The following DPP10 variants were observed in gnomAD, a reference collection of about 807,000 sequenced individuals.
DPP10 encodes the protein inactive dipeptidyl peptidase 10.
Under a neutral mutation model 120.9 loss-of-function variants are expected in DPP10, and 33 were observed. The observed-to-expected ratio is 0.27, with a 90% CI of 0.21 to 0.37. DPP10 has a LOEUF of 0.37. Among genes scored for constraint, DPP10 ranks in the 10% least tolerant of loss-of-function variants. The pLI is 1.00. For synonymous variants in DPP10, 337 were observed against 326.1 expected (o/e 1.03, Z -0.36); for missense variants, 816 against 942.8 (o/e 0.87, Z 1.76).
chr2:114,548,626 G>T (rs1293418720), intron 1 of DPP10, among the ~76,000 whole-genome samples: 1 of 152,198 alleles, frequency 6.6e-6, no homozygotes, highest in South Asian at 2.1e-4. Flanking sequence ...GAAGCAGTTG[G>T]TTGTCCCTAA....
chr2:114,993,545 TAATG>T (rs1700873861), intron 1 of DPP10, among the ~76,000 whole-genome samples: 2 of 144,916 alleles, frequency 1.4e-5, no homozygotes, highest in Middle Eastern at 3.6e-3. Flanking sequence ...TCAATGTAGA[TAATG>T]GATGGATTCT....
At chr2:115,116,504 T>C (rs1456416221) in intron 1 of DPP10, among the ~76,000 whole-genome samples, 1 of 152,218 alleles carries the variant, frequency 6.6e-6, no homozygotes, top group Non-Finnish European at 1.5e-5. Flanking sequence ...TCTTAATTTA[T>C]CAGATTCAAA....
At chr2:114,618,505 A>G (rs1693843179) in intron 1 of DPP10, among the ~76,000 whole-genome samples, 1 of 152,046 alleles carries the variant, frequency 6.6e-6, no homozygotes. Flanking sequence ...TTCACCCACC[A>G]CATTTCAGGA....
At chr2:114,680,963 T>G (rs921453520) in intron 1 of DPP10, among the ~76,000 whole-genome samples, 1 of 151,968 alleles carries the variant, frequency 6.6e-6, no homozygotes, top group Non-Finnish European at 1.5e-5. Flanking sequence ...CATTTAAGAT[T>G]CTCTTTTCAT....
At chr2:115,327,000 C>G (rs985627291) in intron 2 of DPP10, among the ~76,000 whole-genome samples, 1 of 152,104 alleles carries the variant, frequency 6.6e-6, no homozygotes, top group African/African-American at 2.4e-5. Flanking sequence ...CACTCACTTA[C>G]TGACTCACTC....
Position 115,708,788 on chromosome 2 carries a change from A to C in DPP10, c.576+18867A>C, listed in dbSNP as rs533544413. ...ATCAAAACTAGATATAAACCACTTC[A>C]CCCTTTAAAATTATATAATTTACTT... is the stretch of plus-strand genomic sequence containing the variant. On this transcript the variant is annotated intron_variant, in intron 7 of 25. Transcript: ENST00000410059. Among the ~76,000 whole-genome samples the C allele has an allele frequency of 2.0e-5, 3 of 152,142 alleles. No individual in the cohort carries two copies. The East Asian group carries it at 5.8e-4, about 29-fold the overall frequency.
At chr2:114,816,688 G>A (rs952387475) in intron 1 of DPP10, among the ~76,000 whole-genome samples, 6 of 152,122 alleles carry the variant, frequency 3.9e-5, no homozygotes, top group African/African-American at 7.2e-5. Flanking sequence ...AGTTCGAAGG[G>A]CAAGGTCTGG....
At chr2:114,620,324 T>C (rs978101779) in intron 1 of DPP10, among the ~76,000 whole-genome samples, 1 of 151,936 alleles carries the variant, frequency 6.6e-6, no homozygotes, top group Admixed American at 6.6e-5. Context: ...TTTTCTAAAA[T>C]GAAGCCCTCT....
rs1456076596 is a variant in DPP10 at position 115,536,952 on chromosome 2, A to T, written c.441+10980A>T. Among the ~76,000 whole-genome samples, 4 of 152,100 alleles carry T rather than the reference A, an allele frequency of 2.6e-5. No individual in the cohort carries two copies. The East Asian group carries it at 7.7e-4, about 29-fold the overall frequency. ...AATTAGCAAGCGATGGAGTAAAAGT[A>T]AGTTTCTCCTCATAGGAGTTATTTA... On this transcript the variant is annotated intron_variant, in intron 5 of 25. Coordinates refer to ENST00000410059, the MANE Select transcript of DPP10 (RefSeq NM_020868.6).
rs991985852 is a variant in DPP10 at position 115,791,161 on chromosome 2, C to A, written c.1612C>A (p.Leu538Ile). The A allele has an allele frequency of 1.9e-6, 3 of 1,613,316 alleles. No homozygotes were observed. The Admixed American group carries it at 5.0e-5, about 27-fold the overall frequency. The change falls in exon 18 of 26, where the codon CTT becomes ATT. Residue 538 changes from leucine to isoleucine, a missense_variant. By Grantham distance (5) the Leu-to-Ile change is conservative (BLOSUM62 2). Coordinates refer to ENST00000410059, the MANE Select transcript of DPP10 (RefSeq NM_020868.6). ...KKIGKPEIKI[L>I]HIDDYELPLQ... ...GATAGGAAAGCCAGAAATTAAAATC[C>A]TTCATATTGACGACTATGGTAAAAT... is the stretch of plus-strand genomic sequence containing the variant.
chr2:114,708,893 C>G (rs1330269986), intron 1 of DPP10, among the ~76,000 whole-genome samples: 1 of 152,060 alleles, frequency 6.6e-6, no homozygotes, highest in Non-Finnish European at 1.5e-5. Flanking sequence ...ACAGCTGGGA[C>G]TACAGGCACA....
At chr2:114,946,608 T>C (rs1215710879) in intron 1 of DPP10, among the ~76,000 whole-genome samples, 1 of 152,128 alleles carries the variant, frequency 6.6e-6, no homozygotes, top group Admixed American at 6.6e-5. Flanking sequence ...TTTTCTGAGT[T>C]TTTGTGTAAA....
rs59076753 is a variant in DPP10 at position 114,714,071 on chromosome 2, TTGTGTGTGTGTG to T, written c.60+271257_60+271268del. Among the ~76,000 whole-genome samples, 721 of 147,426 alleles carry T rather than the reference TTGTGTGTGTGTG, an allele frequency of 4.9e-3. 3 individuals are homozygous for T. Among genetic ancestry groups the T allele is most frequent in the African/African-American group, 0.015 (590 of 40,378 alleles). The stretch of plus-strand genomic sequence containing the variant: ...CATGTGTTCCTGAGTGGATTTGTGT[TTGTGTGTGTGTG>T]TGTGTGTGTGTGTGTGTGTGTGTTT... On this transcript the variant is annotated intron_variant, in intron 1 of 25. Coordinates refer to ENST00000410059, the MANE Select transcript of DPP10 (RefSeq NM_020868.6).
intron 1 of DPP10, among the ~76,000 whole-genome samples, chr2:114,447,674 C>G (rs1678020878): frequency 1.3e-5 from 2 of 152,114 alleles, no homozygotes; most frequent in Admixed American, 1.3e-4. Flanking sequence ...AACATAGATT[C>G]ATACACACTA....
At chr2:114,732,571 G>A (rs1677023866) in intron 1 of DPP10, among the ~76,000 whole-genome samples, 1 of 152,122 alleles carries the variant, frequency 6.6e-6, no homozygotes, top group Admixed American at 6.6e-5. Context: ...ATTTTATGTT[G>A]GTGGTAATTG....
chr2:115,500,594 T>C (rs2076634757), intron 4 of DPP10, among the ~76,000 whole-genome samples: 1 of 152,036 alleles, frequency 6.6e-6, no homozygotes, highest in Non-Finnish European at 1.5e-5. Context: ...ATTATATATG[T>C]ATATCATTGG....
intron 5 of DPP10, among the ~76,000 whole-genome samples, chr2:115,672,710 C>CTTTCTTTCTT (rs10648959): frequency 1.1e-3 from 16 of 14,180 alleles, no homozygotes; most frequent in Non-Finnish European, 3.5e-3. Context: ...TTCTTTCTTT[C>CTTTCTTTCTT]TCTTTCTTTC....
At chr2:115,574,650 T>G (rs756471873) in intron 5 of DPP10, among the ~76,000 whole-genome samples, 2 of 152,238 alleles carry the variant, frequency 1.3e-5, no homozygotes, top group Non-Finnish European at 2.9e-5. Flanking sequence ...ATATCTTAAT[T>G]GGTCTTCCAC....
intron 1 of DPP10, among the ~76,000 whole-genome samples, chr2:114,672,353 G>C (rs1202671222): frequency 6.6e-6 from 1 of 152,134 alleles, no homozygotes; most frequent in Non-Finnish European, 1.5e-5. Flanking sequence ...CCCTTTTTCT[G>C]TCTTTCTCTT....
Sources: gnomAD v4.1 joint callset for allele counts (sites outside exome capture counted in the v4.1 genomes callset) on GRCh38, gnomAD v4.1.1 for gene constraint, MANE v1.5 for transcripts, NCBI Gene and HGNC (gene_info 2026-07-23, HGNC 2026-07-21) for gene names.